REPS2: variants seen among roughly 807,000 people sequenced by gnomAD.
REPS2 encodes the protein RALBP1 associated Eps domain containing 2, also known as ralBP1-associated Eps domain-containing protein 2.
Under a neutral mutation model 53.6 loss-of-function variants are expected in REPS2, and 23 were observed. The observed-to-expected ratio is 0.43, with a 90% CI of 0.31 to 0.61. REPS2 has a LOEUF of 0.61. Ranked by LOEUF, REPS2 falls within the 20% of genes least tolerant of loss-of-function variation. The probability of loss-of-function intolerance (pLI) is 0.11; values close to 1 mark genes in which losing one functional copy is unlikely to be tolerated. For missense variants in REPS2, 446 were observed against 534.9 expected, an observed-to-expected ratio of 0.83 and a Z score of 1.64; for synonymous variants, 238 against 218.6, an observed-to-expected ratio of 1.09 and a Z score of -0.78.
At chrX:17,063,657 A>T (rs1381135260) in intron 9 of REPS2, among the ~76,000 whole-genome samples, 1 of 109,772 alleles carries the variant, frequency 9.1e-6, no homozygotes, top group South Asian at 3.9e-4. Context: ...TTTGGTTAAA[A>T]TTTTTTTTTT....
At chrX:17,054,998 C>G (rs748458109) in intron 8 of REPS2, 48 bp downstream of exon 8, 1 of 1,148,494 alleles carries the variant, frequency 8.7e-7, no homozygotes, top group South Asian at 2.0e-5. Flanking sequence ...TTCCTCCAGG[C>G]TGTGTAAAAA....
At chrX:17,002,844 G>A in intron 1 of REPS2, among the ~76,000 whole-genome samples, 1 of 111,741 alleles carries the variant, frequency 8.9e-6, no homozygotes, top group Non-Finnish European at 1.9e-5. Flanking sequence ...ATCCTAACCG[G>A]TACCCTCTTA....
At chrX:17,091,148 G>T (rs1807765929) in intron 13 of REPS2, among the ~76,000 whole-genome samples, 1 of 111,921 alleles carries the variant, frequency 8.9e-6, no homozygotes, top group Non-Finnish European at 1.9e-5. Flanking sequence ...ACATAATCTT[G>T]CAAAGAGGTA....
intron 11 of REPS2, 79 bp from the exon 12 acceptor site, chrX:17,074,035 G>A: frequency 6.0e-6 from 5 of 836,927 alleles, no homozygotes; most frequent in Non-Finnish European, 8.6e-6. Flanking sequence ...ACCTGTTGAT[G>A]TGTTCTGTAC....
chrX:17,081,658 G>A (rs1010448527), intron 13 of REPS2, among the ~76,000 whole-genome samples: 2 of 112,138 alleles, frequency 1.8e-5, no homozygotes, highest in African/African-American at 6.5e-5. Flanking sequence ...GGCTCTCTAG[G>A]TACTGGCATC....
rs1445665609 is a variant in REPS2, at chrX:17,151,402, ATG to A, written c.*3925_*3926del. The A allele has an allele frequency of 8.9e-6, 1 of 112,670 alleles. No individual in the cohort carries two copies. The highest frequency in any genetic ancestry group is 1.9e-5 in the Non-Finnish European group (1 of 53,296). 9.3% of individuals were successfully genotyped at this position (112,670 alleles called of 1,213,427 possible). ...GATCTCACAGCCATGGTAATAATAGATGTGTACTCAGAAGATCAATAAGGTAA... is the reference window on the plus strand; with the variant it reads ...GATCTCACAGCCATGGTAATAATAGATGTACTCAGAAGATCAATAAGGTAA... On this transcript the variant is annotated 3_prime_UTR_variant, in exon 18 of 18. Transcript: ENST00000357277.
At chrX:17,100,098 T>C (rs1473598913) in intron 13 of REPS2, 5 of 1,009,955 alleles carry the variant, frequency 5.0e-6, no homozygotes, top group Non-Finnish European at 7.0e-6. Context: ...GTCTATCTCA[T>C]GTGCTGTTTT....
At chrX:17,020,983 C>T (rs777853611) in intron 2 of REPS2, among the ~76,000 whole-genome samples, 6 of 112,033 alleles carry the variant, frequency 5.4e-5, no homozygotes, top group Admixed American at 9.5e-5. Flanking sequence ...AAGTAAACAT[C>T]ATGTGGATGT....
chrX:17,101,154 C>T (rs1160632430), intron 13 of REPS2, among the ~76,000 whole-genome samples: 2 of 106,074 alleles, frequency 1.9e-5, no homozygotes, highest in Non-Finnish European at 3.9e-5. Flanking sequence ...CTCGGGTTCA[C>T]GCCATTCTCC....
the REPS2 span, among the ~76,000 whole-genome samples, chrX:17,161,153 A>G: frequency 0.19 from 21,140 of 110,586 alleles, 1,761 homozygotes; most frequent in African/African-American, 0.31. Context: ...CATATGGAAT[A>G]GATGGGAATT....
intron 14 of REPS2, among the ~76,000 whole-genome samples, chrX:17,123,949 T>A (rs1456774575): frequency 8.9e-6 from 1 of 112,772 alleles, no homozygotes; most frequent in Non-Finnish European, 1.9e-5. Context: ...ATTTTAATCC[T>A]AATGATAATA....
At chrX:17,102,263 G>A (rs1051064343) in intron 13 of REPS2, among the ~76,000 whole-genome samples, 2 of 110,436 alleles carry the variant, frequency 1.8e-5, no homozygotes, top group African/African-American at 6.6e-5. Context: ...TGTATTTTTT[G>A]TAGATAAGGG....
intron 1 of REPS2, among the ~76,000 whole-genome samples, chrX:16,951,493 C>G (rs2060504869): frequency 4.4e-5 from 4 of 91,616 alleles, no homozygotes. Flanking sequence ...GATGGCAAAA[C>G]CCCATCTACA....
At chrX:17,175,267 T>A in the REPS2 span, among the ~76,000 whole-genome samples, 29 of 112,372 alleles carry the variant, frequency 2.6e-4, no homozygotes, top group Admixed American at 1.9e-4. Flanking sequence ...CAGGCAGGCC[T>A]ACTAGGTGTC....
intron 14 of REPS2, among the ~76,000 whole-genome samples, chrX:17,128,520 G>A (rs1239321924): frequency 1.8e-5 from 2 of 111,900 alleles, no homozygotes; most frequent in African/African-American, 6.5e-5. Context: ...TGCCAGCCAG[G>A]GAAAGGTGAC....
the REPS2 span, among the ~76,000 whole-genome samples, chrX:17,184,490 C>A: frequency 1.9e-5 from 2 of 106,936 alleles, no homozygotes; most frequent in Non-Finnish European, 3.9e-5. Flanking sequence ...AATAAACATA[C>A]GTGTGCATGT....
Position 17,133,901 on chromosome X carries a change from A to G in REPS2, c.1656A>G (p.Ala552=), listed in dbSNP as rs1015785644. 4.1e-6 allele frequency: 5 copies of G among 1,206,301 alleles called. No homozygotes were observed. The highest frequency in any genetic ancestry group is 5.6e-6 in the Non-Finnish European group (5 of 891,822). The change falls in exon 15 of 18, where the codon GCA becomes GCG. Residue 552 remains alanine (A), a synonymous_variant. Coordinates refer to ENST00000357277, the MANE Select transcript of REPS2 (RefSeq NM_004726.3). ...CCCAGGCTGCAGAAAGTAGTCCAGCAAAGAAGGTAAGGTCAGCCTGAGGAT... is the reference window on the plus strand; with the variant it reads ...CCCAGGCTGCAGAAAGTAGTCCAGCGAAGAAGGTAAGGTCAGCCTGAGGAT... The part of the protein sequence containing the change: ...APSQAAESSP[A]KKDVLYSQPP...
Position 17,149,170 on chromosome X carries a change from CT to C in REPS2, c.*1695del. Reference sequence around the variant, plus strand: ...CCTTTTTTTCTTCCCCATTTGCTGCCTTTTTTGTTTTTGTGGGGGAAGGGTT... The same window carrying C: ...CCTTTTTTTCTTCCCCATTTGCTGCCTTTTTGTTTTTGTGGGGGAAGGGTT... On this transcript the variant is annotated 3_prime_UTR_variant, in exon 18 of 18. Transcript: ENST00000357277. The C allele has an allele frequency of 8.2e-6, 2 of 245,327 alleles. No individual in the cohort carries two copies. The highest frequency in any genetic ancestry group is 8.4e-5 in the South Asian group (2 of 23,912). The allele number at this position is 245,327 out of a possible 1,213,427, so 20.2% of individuals were successfully genotyped here.
At chrX:17,086,653 C>CT (rs2062540868) in intron 13 of REPS2, among the ~76,000 whole-genome samples, 1 of 112,040 alleles carries the variant, frequency 8.9e-6, no homozygotes, top group South Asian at 3.7e-4. Flanking sequence ...TGGCGATACT[C>CT]TATTTTTTCT....
Sources: gnomAD v4.1 joint callset for allele counts (sites outside exome capture counted in the v4.1 genomes callset) on GRCh38, gnomAD v4.1.1 for gene constraint, MANE v1.5 for transcripts, NCBI Gene and HGNC (gene_info 2026-07-23, HGNC 2026-07-21) for gene names.